C16orf46: variants seen among roughly 807,000 people sequenced by gnomAD.
C16orf46 encodes uncharacterized protein C16orf46.
Under a neutral mutation model 5.5 loss-of-function variants are expected in C16orf46, and 7 were observed. The observed-to-expected ratio is 1.28, with a 90% confidence interval of 0.73 to 2.40. The LOEUF is 2.40. Ranked by LOEUF, C16orf46 falls within the 30% of genes most tolerant of loss-of-function variation. The pLI is 0.00. For missense variants in C16orf46, 614 were observed against 476.0 expected (o/e 1.29, Z -2.70); for synonymous variants, 200 against 184.1 (o/e 1.09, Z -0.70).
chr16:81,062,670 G>C lies in C16orf46; in HGVS notation c.211-532C>G, dbSNP rs1449635189. 2.6e-5 allele frequency among the ~76,000 whole-genome samples: 4 copies of C among 152,234 alleles called. No homozygotes were observed. The East Asian group carries it at 7.7e-4, about 29-fold the overall frequency. ...GAGCAGAGGCAGGTCCTGGAATGCAGAGGAGCCCTGCGTACCCAGGGATAC... is the reference window on the plus strand; with the variant it reads ...GAGCAGAGGCAGGTCCTGGAATGCACAGGAGCCCTGCGTACCCAGGGATAC... On this transcript the variant is annotated intron_variant, in intron 3 of 3. Coordinates refer to ENST00000299578, the MANE Select transcript of C16orf46 (RefSeq NM_152337.3).
intron 2 of C16orf46, among the ~76,000 whole-genome samples, chr16:81,065,349 C>CT (rs1312036663): frequency 6.6e-6 from 1 of 151,838 alleles, no homozygotes; most frequent in Non-Finnish European, 1.5e-5. Flanking sequence ...TGGTGCACAC[C>CT]TGTAGTCCCG....
chr16:81,059,031 T>C (rs1327816540), downstream of C16orf46, among the ~76,000 whole-genome samples: 1 of 152,114 alleles, frequency 6.6e-6, no homozygotes, highest in African/African-American at 2.4e-5. Context: ...AAAGAGATAA[T>C]GTCTGGGAAG....
At chr16:81,076,590 A>T (rs1972048762) in intron 1 of C16orf46, 1 of 152,334 alleles carries the variant, frequency 6.6e-6, no homozygotes, top group Admixed American at 6.5e-5. Context: ...ATAAAAAGCT[A>T]AAGCAGCATC....
At chr16:81,055,491 C>G (rs542977159) in intron 3 of C16orf46, 1 of 150,588 alleles carries the variant, frequency 6.6e-6, no homozygotes, top group African/African-American at 2.5e-5. Flanking sequence ...TCCAAGAGTT[C>G]GAGACCAACC....
chr16:81,061,187 G>A lies in C16orf46; in HGVS notation c.1162C>T (p.Pro388Ser), dbSNP rs12929250. ...CAGAGGATCCTGTGGGTAGAGACAG[G>A]AATGATAACTCTGCTCACTGTGAGA... ...PSLTVSRVII[P>S]VSTHRIL Residue 388 changes from proline (P) to serine (S), a missense_variant, in exon 4 of 4, where the codon CCT (proline) becomes TCT (serine). Coordinates refer to ENST00000299578, the MANE Select transcript of C16orf46 (RefSeq NM_152337.3). 8.8e-3 allele frequency: 14,148 copies of A among 1,612,782 alleles called. 220 individuals carry two copies. The highest frequency in any genetic ancestry group is 0.057 in the East Asian group (2,547 of 44,850).
chr16:81,056,455 G>C (rs997439318), downstream of C16orf46: 4 of 152,064 alleles, frequency 2.6e-5, no homozygotes, highest in Admixed American at 2.0e-4. Flanking sequence ...TAGCACTTTG[G>C]GAGGCTGAGA....
intron 1 of C16orf46, among the ~76,000 whole-genome samples, chr16:81,066,948 T>C (rs1210151682): frequency 6.6e-6 from 1 of 152,164 alleles, no homozygotes; most frequent in Non-Finnish European, 1.5e-5. Context: ...AAAGCTCAAA[T>C]ATGTAGGCCA....
chr16:81,076,034 T>C (rs531165625), intron 1 of C16orf46, among the ~76,000 whole-genome samples: 4 of 152,328 alleles, frequency 2.6e-5, no homozygotes, highest in Admixed American at 2.6e-4. Flanking sequence ...CAGGGAAAGA[T>C]GAGTTTCTGG....
intron 2 of C16orf46, among the ~76,000 whole-genome samples, chr16:81,064,979 A>G (rs553794057): frequency 1.8e-4 from 27 of 152,324 alleles, no homozygotes; most frequent in Non-Finnish European, 3.7e-4. Context: ...AAAGTAAAAC[A>G]GTAGGTGATG....
downstream of C16orf46, among the ~76,000 whole-genome samples, chr16:81,058,787 G>T (rs891234386): frequency 2.0e-5 from 3 of 152,120 alleles, no homozygotes; most frequent in Non-Finnish European, 4.4e-5. Flanking sequence ...TCTGAAAATT[G>T]TTCCTATCTT....
At position 81,062,043 on chromosome 16, in the gene C16orf46, G is replaced by C. The variant is rs548573737; in HGVS notation, c.306C>G (p.Cys102Trp). Residue 102 changes from cysteine (C) to tryptophan (W), a missense_variant, in exon 4 of 4, where the codon TGC becomes TGG. Physicochemically the swap from Cys to Trp is radical, Grantham distance 215 (BLOSUM62 -2). Coordinates refer to ENST00000299578, the MANE Select transcript of C16orf46 (RefSeq NM_152337.3). The stretch of plus-strand genomic sequence containing the variant: ...AGTGGGAGAGGTTAACACACACCAA[G>C]CAGTCGCTGCAGGCACCTTCCCCTA... ...ARVGEGACSD[C>W]LVCVNLSHWS... The C allele has an allele frequency of 6.2e-7, 1 of 1,613,432 alleles. No individual in the cohort carries two copies. Among genetic ancestry groups the C allele is most frequent in the Non-Finnish European group, 8.5e-7 (1 of 1,180,010 alleles).
At chr16:81,070,368 G>T (rs914534011) in intron 1 of C16orf46, among the ~76,000 whole-genome samples, 2 of 152,126 alleles carry the variant, frequency 1.3e-5, no homozygotes, top group African/African-American at 4.8e-5. Context: ...ATTAAGTGGA[G>T]AAATCACACT....
intron 1 of C16orf46, among the ~76,000 whole-genome samples, chr16:81,070,120 A>C (rs914441360): frequency 6.6e-6 from 1 of 151,852 alleles, no homozygotes; most frequent in Non-Finnish European, 1.5e-5. Flanking sequence ...GTGAGACTCC[A>C]TCTCAAAAAA....
intron 1 of C16orf46, among the ~76,000 whole-genome samples, chr16:81,071,605 G>C (rs1971853743): frequency 6.6e-6 from 1 of 152,084 alleles, no homozygotes. Context: ...TAATGGCCAG[G>C]CGTGGTGGTG....
downstream of C16orf46, chr16:81,058,113 G>A (rs1165215962): frequency 6.5e-6 from 1 of 153,292 alleles, no homozygotes; most frequent in African/African-American, 2.4e-5. Context: ...TAATAATAAT[G>A]TTTGCAGGCA....
chr16:81,058,238 C>T (rs1971361858), downstream of C16orf46, among the ~76,000 whole-genome samples: 1 of 152,138 alleles, frequency 6.6e-6, no homozygotes, highest in Admixed American at 6.5e-5. Flanking sequence ...AATATACATC[C>T]TGATGGTTCT....
At chr16:81,064,759 A>G (rs1194196329) in intron 2 of C16orf46, among the ~76,000 whole-genome samples, 1 of 152,042 alleles carries the variant, frequency 6.6e-6, no homozygotes, top group African/African-American at 2.4e-5. Context: ...AAAAAAAAAA[A>G]AAAAGAAGAT....
intron 1 of C16orf46, among the ~76,000 whole-genome samples, chr16:81,073,679 G>A (rs1971931959): frequency 6.6e-6 from 1 of 152,204 alleles, no homozygotes; most frequent in Admixed American, 6.5e-5. Context: ...GTCTTAGCTA[G>A]CAGCAGCAGA....
chr16:81,074,658 C>T (rs902482191), intron 1 of C16orf46, among the ~76,000 whole-genome samples: 1 of 152,098 alleles, frequency 6.6e-6, no homozygotes, highest in African/African-American at 2.4e-5. Flanking sequence ...GTTGGGATTA[C>T]AGGCATGAGC....
Sources: allele counts gnomAD v4.1 joint callset (sites outside exome capture counted in the v4.1 genomes callset), GRCh38; gene constraint gnomAD v4.1.1; transcripts MANE v1.5; gene names NCBI Gene and HGNC (gene_info 2026-07-23, HGNC 2026-07-21).